ROBO1: variants seen among roughly 807,000 people sequenced by gnomAD.
The protein encoded by ROBO1 is roundabout homolog 1.
Under a neutral mutation model 195.9 loss-of-function variants are expected in ROBO1, and 149 were observed. That is an observed-to-expected ratio of 0.76 (90% CI 0.67 to 0.87). The LOEUF is 0.87. Among genes scored for constraint, ROBO1 ranks in the 40% least tolerant of loss-of-function variants. ROBO1 has a pLI of 0.00. For synonymous variants in ROBO1, 816 were observed against 733.2 expected (o/e 1.11, Z -1.82); for missense variants, 1,933 against 2,068.3 (o/e 0.93, Z 1.27).
chr3:78,934,450 A>G (rs1401256042), intron 4 of ROBO1, among the ~76,000 whole-genome samples: 1 of 151,982 alleles, frequency 6.6e-6, no homozygotes, highest in African/African-American at 2.4e-5. Flanking sequence ...ACTTTTTTTA[A>G]AAGACAAAAG....
In ROBO1 at chr3:79,156,471, A is replaced by T. The variant is rs1010211636; in HGVS notation, c.89-30932T>A. Among the ~76,000 whole-genome samples, 8 of 151,858 alleles carry T rather than the reference A, an allele frequency of 5.3e-5. No homozygotes were observed. In the East Asian group the frequency reaches 1.2e-3, roughly 22 times the overall value. On this transcript the variant is annotated intron_variant, in intron 2 of 30. Transcript: ENST00000464233. ...CCAATAAATGATTATTGATTAAAATAGCATTCTATTTGAAATATATAGTTA... is the reference window on the plus strand; with the variant it reads ...CCAATAAATGATTATTGATTAAAATTGCATTCTATTTGAAATATATAGTTA...
At chr3:78,859,638 G>T (rs1016646720) in intron 4 of ROBO1, among the ~76,000 whole-genome samples, 3 of 152,248 alleles carry the variant, frequency 2.0e-5, no homozygotes, top group Non-Finnish European at 4.4e-5. Context: ...CTCCAAGATG[G>T]TGACAGACAC....
intron 1 of ROBO1, among the ~76,000 whole-genome samples, chr3:79,630,885 C>G (rs1007705700): frequency 7.4e-6 from 1 of 134,636 alleles, no homozygotes; most frequent in Non-Finnish European, 1.6e-5. Context: ...TACACACACG[C>G]ACATACAAAA....
At chr3:79,127,458 TA>T (rs1184275135) in intron 2 of ROBO1, among the ~76,000 whole-genome samples, 1 of 152,246 alleles carries the variant, frequency 6.6e-6, no homozygotes, top group Non-Finnish European at 1.5e-5. Context: ...TTTTATGAAT[TA>T]TTTTTTAGTA....
chr3:79,423,228 T>A (rs1045952066), intron 2 of ROBO1, among the ~76,000 whole-genome samples: 1 of 152,104 alleles, frequency 6.6e-6, no homozygotes, highest in East Asian at 1.9e-4. Context: ...TGAAAATAGA[T>A]GAGATTAAAA....
chr3:79,406,941 C>T (rs1443286539), intron 2 of ROBO1, among the ~76,000 whole-genome samples: 1 of 151,882 alleles, frequency 6.6e-6, no homozygotes, highest in African/African-American at 2.4e-5. Context: ...TTTTTTGAGA[C>T]AGAGTCTGGC....
chr3:78,616,352 A>G (rs1388541079), intron 27 of ROBO1, among the ~76,000 whole-genome samples: 1 of 152,168 alleles, frequency 6.6e-6, no homozygotes, highest in Non-Finnish European at 1.5e-5. Flanking sequence ...AGTTTATTAC[A>G]TTCAGCAGCT....
intron 3 of ROBO1, among the ~76,000 whole-genome samples, chr3:78,965,844 T>A (rs1403516127): frequency 6.6e-6 from 1 of 152,236 alleles, no homozygotes; most frequent in Non-Finnish European, 1.5e-5. Context: ...GCAATGATGA[T>A]GAAAATGTCC....
chr3:79,454,797 C>T (rs2107219875), intron 2 of ROBO1, among the ~76,000 whole-genome samples: 1 of 152,118 alleles, frequency 6.6e-6, no homozygotes, highest in African/African-American at 2.4e-5. Flanking sequence ...AGTTGAAAAT[C>T]TTCAACTAAA....
intron 1 of ROBO1, among the ~76,000 whole-genome samples, chr3:79,762,431 G>A (rs1224908884): frequency 6.9e-6 from 1 of 144,328 alleles, no homozygotes; most frequent in African/African-American, 2.5e-5. Context: ...TAGTAGAAAC[G>A]AATAAATGAT....
chr3:79,672,979 C>T (rs533198783), intron 1 of ROBO1, among the ~76,000 whole-genome samples: 6 of 151,964 alleles, frequency 3.9e-5, no homozygotes, highest in East Asian at 3.9e-4. Flanking sequence ...CTCTCAAGAG[C>T]GAGCAATGCC....
At chr3:79,462,651 C>T (rs1351990731) in intron 2 of ROBO1, among the ~76,000 whole-genome samples, 1 of 152,148 alleles carries the variant, frequency 6.6e-6, no homozygotes, top group Non-Finnish European at 1.5e-5. Context: ...GAATATAAAG[C>T]TTTTCAAACA....
intron 2 of ROBO1, among the ~76,000 whole-genome samples, chr3:79,372,159 C>T (rs1384387846): frequency 6.6e-6 from 1 of 151,796 alleles, no homozygotes; most frequent in Non-Finnish European, 1.5e-5. Context: ...CATGGATTGG[C>T]ACCAGTCCAC....
intron 4 of ROBO1, among the ~76,000 whole-genome samples, chr3:78,793,463 T>C (rs919674381): frequency 2.0e-5 from 3 of 152,206 alleles, no homozygotes; most frequent in African/African-American, 7.2e-5. Context: ...CTTACAAGAA[T>C]AATCATAAAA....
intron 5 of ROBO1, among the ~76,000 whole-genome samples, chr3:78,728,503 A>G (rs1195467419): frequency 6.6e-6 from 1 of 152,122 alleles, no homozygotes; most frequent in Non-Finnish European, 1.5e-5. Context: ...AAACTGTAAA[A>G]AGTACCTAGA....
At position 79,019,379 on chromosome 3, in the gene ROBO1, C is replaced by T. The variant is rs543301308; in HGVS notation, c.173-80452G>A. The T allele has an allele frequency of 1.9e-3, 1,892 of 985,830 alleles. 7 individuals are homozygous for T. Among genetic ancestry groups the T allele is most frequent in the Non-Finnish European group, 2.0e-3 (1,661 of 830,198 alleles). The allele number at this position is 985,830 out of a possible 1,614,324, so 61.1% of individuals were successfully genotyped here. A position where few individuals can be genotyped will look rare whatever the true frequency, so the allele number is the denominator to read the frequency against. On this transcript the variant is annotated intron_variant, in intron 3 of 30. Coordinates refer to ENST00000464233, the MANE Select transcript of ROBO1 (RefSeq NM_002941.4). ...TGCTGCTGCGGGTGGGAGAGACGGC[C>T]GCCGCGGCTCACCCCAGCTCCTCCC... is the stretch of plus-strand genomic sequence containing the variant.
chr3:78,719,325 T>A (rs75728053), intron 5 of ROBO1, among the ~76,000 whole-genome samples: 4,280 of 152,272 alleles, frequency 0.028, 192 homozygotes, highest in African/African-American at 0.096. Context: ...GTAACAGTTA[T>A]GTGTTAAATT....
chr3:78,950,325 G>A (rs924966104), intron 3 of ROBO1, among the ~76,000 whole-genome samples: 1 of 151,980 alleles, frequency 6.6e-6, no homozygotes, highest in African/African-American at 2.4e-5. Flanking sequence ...GGAATACTAT[G>A]CAACCATAAA....
At chr3:78,678,944 G>A (rs1162362226) in intron 10 of ROBO1, among the ~76,000 whole-genome samples, 2 of 151,982 alleles carry the variant, frequency 1.3e-5, no homozygotes, top group African/African-American at 2.4e-5. Context: ...CTGGCAAACC[G>A]AATCCAGTAG....
Sources: gnomAD v4.1 joint callset for allele counts (sites outside exome capture counted in the v4.1 genomes callset) on GRCh38, gnomAD v4.1.1 for gene constraint, MANE v1.5 for transcripts, NCBI Gene and HGNC (gene_info 2026-07-23, HGNC 2026-07-21) for gene names.